ZNF33B: variants seen among roughly 807,000 people sequenced by gnomAD.
The protein encoded by ZNF33B is zinc finger protein 33B.
A neutral mutation model predicts 45.8 loss-of-function variants in ZNF33B; 29 were observed. That is an observed-to-expected ratio of 0.63 (90% CI 0.47 to 0.86). The LOEUF (loss-of-function observed/expected upper bound fraction) is 0.86, where lower values mean the gene tolerates loss of function less well. Ranked by LOEUF, ZNF33B falls within the 40% of genes least tolerant of loss-of-function variation. The pLI is 0.00. For missense variants in ZNF33B, 831 were observed against 909.9 expected (o/e 0.91, Z 1.12); for synonymous variants, 305 against 307.8 (o/e 0.99, Z 0.10).
At chr10:42,620,109 G>T (rs2132123226) in intron 4 of ZNF33B, among the ~76,000 whole-genome samples, 1 of 151,890 alleles carries the variant, frequency 6.6e-6, no homozygotes, top group South Asian at 2.1e-4. Context: ...CCAGCTACTT[G>T]GGAGGCTGCG....
At chr10:42,626,601 T>C (rs971700558) in intron 4 of ZNF33B, among the ~76,000 whole-genome samples, 1 of 151,910 alleles carries the variant, frequency 6.6e-6, no homozygotes, top group Non-Finnish European at 1.5e-5. Context: ...AGCAGGATAA[T>C]CACTTGAACC....
intron 4 of ZNF33B, among the ~76,000 whole-genome samples, chr10:42,600,315 G>T (rs1399286457): frequency 1.6e-4 from 24 of 152,052 alleles, no homozygotes; most frequent in Admixed American, 3.9e-4. Flanking sequence ...TATAACTGTG[G>T]ATCTATTTCT....
chr10:42,599,476 CATATATACATATGTATAA>C (rs1837535724), intron 4 of ZNF33B, among the ~76,000 whole-genome samples: 1 of 18,976 alleles, frequency 5.3e-5, no homozygotes, highest in East Asian at 1.7e-3. Flanking sequence ...ATGTATATTA[CATATATACATATGTATAA>C]ATGCATACAC....
chr10:42,595,724 G>A (rs1358383740), intron 4 of ZNF33B, among the ~76,000 whole-genome samples: 3 of 152,112 alleles, frequency 2.0e-5, no homozygotes, highest in African/African-American at 7.2e-5. Flanking sequence ...CCCGACCACT[G>A]GTCATATGCA....
chr10:42,575,304 T>C (rs1252687750), intron 1 of ZNF33B, among the ~76,000 whole-genome samples: 4 of 151,622 alleles, frequency 2.6e-5, no homozygotes, highest in African/African-American at 9.7e-5. Context: ...CACAGGGCCA[T>C]CCTCCAGGGT....
chr10:42,577,260 C>T (rs113571837), intron 1 of ZNF33B, among the ~76,000 whole-genome samples: 1,852 of 152,194 alleles, frequency 0.012, 48 homozygotes, highest in African/African-American at 0.042. Flanking sequence ...CACCCCAAAC[C>T]TCGACCTCCC....
chr10:42,633,890 A>C (rs1839166058), intron 2 of ZNF33B, among the ~76,000 whole-genome samples: 1 of 146,726 alleles, frequency 6.8e-6, no homozygotes, highest in Admixed American at 6.6e-5. Flanking sequence ...AATCCCTTTA[A>C]CCTGGGAGGC....
At position 42,633,320 on chromosome 10, in the gene ZNF33B, C is replaced by T. The variant is rs1345746491; in HGVS notation, c.10-881G>A. On this transcript the variant is annotated intron_variant, in intron 2 of 4. Coordinates refer to ENST00000359467, the MANE Select transcript of ZNF33B (RefSeq NM_006955.3). Reference sequence around the variant, plus strand: ...GGATTGTTCTGGATATCCTCTAGGGCACATCTTTTAGGGATCACTGCTGTG... The same window carrying T: ...GGATTGTTCTGGATATCCTCTAGGGTACATCTTTTAGGGATCACTGCTGTG... 2.6e-5 allele frequency among the ~76,000 whole-genome samples: 4 copies of T among 152,204 alleles called. No homozygotes were observed. In the East Asian group the frequency reaches 7.7e-4, roughly 29 times the overall value.
chr10:42,604,226 C>T (rs1215111231), intron 4 of ZNF33B, among the ~76,000 whole-genome samples: 2 of 152,054 alleles, frequency 1.3e-5, no homozygotes, highest in Non-Finnish European at 2.9e-5. Context: ...AGGTGGATCA[C>T]CTGAGGTCAG....
intron 2 of ZNF33B, among the ~76,000 whole-genome samples, chr10:42,633,706 G>A (rs571503656): frequency 3.9e-5 from 6 of 152,254 alleles, no homozygotes; most frequent in South Asian, 2.1e-4. Flanking sequence ...AGTGCCTCAC[G>A]CCTGTAATCT....
At chr10:42,638,397 G>A (rs1192014593) in intron 1 of ZNF33B, 77 bp downstream of exon 1, 13 of 351,916 alleles carry the variant, frequency 3.7e-5, no homozygotes, top group Non-Finnish European at 5.5e-6. Flanking sequence ...CCACCACCTG[G>A]CACTGGCCCC....
At chr10:42,634,347 C>T (rs1839193044) in intron 2 of ZNF33B, among the ~76,000 whole-genome samples, 1 of 151,792 alleles carries the variant, frequency 6.6e-6, no homozygotes, top group East Asian at 1.9e-4. Context: ...GTGGAGGTTG[C>T]AGTGAGCTAA....
chr10:42,634,913 T>C (rs534333717), intron 2 of ZNF33B, among the ~76,000 whole-genome samples: 7 of 152,322 alleles, frequency 4.6e-5, no homozygotes, highest in African/African-American at 1.7e-4. Flanking sequence ...CTTAATAAAC[T>C]AATCTAGGGA....
At chr10:42,617,388 G>A (rs2132115212) in intron 4 of ZNF33B, among the ~76,000 whole-genome samples, 1 of 151,014 alleles carries the variant, frequency 6.6e-6, no homozygotes, top group Non-Finnish European at 1.5e-5. Flanking sequence ...ACAGGCATTT[G>A]CCACCGCACC....
chr10:42,578,261 A>C (rs1836776948), intron 1 of ZNF33B, among the ~76,000 whole-genome samples: 1 of 152,216 alleles, frequency 6.6e-6, no homozygotes, highest in Non-Finnish European at 1.5e-5. Context: ...AAAAATTTGC[A>C]TGAAGGGCTC....
chr10:42,616,765 G>A (rs773972525), intron 4 of ZNF33B, among the ~76,000 whole-genome samples: 12 of 151,874 alleles, frequency 7.9e-5, no homozygotes, highest in Admixed American at 5.9e-4. Context: ...GCACCATTTC[G>A]GCTCACTGCA....
downstream of ZNF33B, among the ~76,000 whole-genome samples, chr10:42,586,149 G>GTTTT (rs1173173375): frequency 9.5e-6 from 1 of 105,124 alleles, no homozygotes; most frequent in Non-Finnish European, 1.9e-5. Context: ...ATTTTCCTCA[G>GTTTT]ATTTTTTTTT....
At chr10:42,585,139 T>C (rs1222419400), downstream of ZNF33B, among the ~76,000 whole-genome samples, 1 of 152,200 alleles carries the variant, frequency 6.6e-6, no homozygotes, top group East Asian at 1.9e-4. Context: ...AGGAGCATCT[T>C]TTCTCTGCCT....
intron 4 of ZNF33B, among the ~76,000 whole-genome samples, chr10:42,601,622 T>G (rs158368): frequency 0.031 from 4,698 of 151,612 alleles, 207 homozygotes; most frequent in East Asian, 0.14. Flanking sequence ...TACAGGTGCC[T>G]GCCACCACAC....
Sources: gnomAD v4.1 joint callset for allele counts (sites outside exome capture counted in the v4.1 genomes callset) on GRCh38, gnomAD v4.1.1 for gene constraint, MANE v1.5 for transcripts, NCBI Gene and HGNC (gene_info 2026-07-23, HGNC 2026-07-21) for gene names.